CSNK1G1: variants seen among roughly 807,000 people sequenced by gnomAD.
CSNK1G1 encodes the protein casein kinase 1 gamma 1, also known as casein kinase I isoform gamma-1.
Under a neutral mutation model 59.6 loss-of-function variants are expected in CSNK1G1, and 22 were observed. The observed-to-expected ratio is 0.37, with a 90% CI of 0.26 to 0.53. The LOEUF (loss-of-function observed/expected upper bound fraction) is 0.53, where lower values mean the gene tolerates loss of function less well. CSNK1G1 is among the 20% of genes least tolerant of loss of function. CSNK1G1 has a pLI of 0.89. For missense variants in CSNK1G1, 384 were observed against 519.5 expected (o/e 0.74, Z 2.54); for synonymous variants, 179 against 177.1 (o/e 1.01, Z -0.08).
intron 4 of CSNK1G1, among the ~76,000 whole-genome samples, chr15:64,241,545 C>G (rs1413917546): frequency 6.6e-6 from 1 of 152,062 alleles, no homozygotes; most frequent in African/African-American, 2.4e-5. Flanking sequence ...CCAGGACAGG[C>G]CATGTGTTAG....
In CSNK1G1 at chr15:64,313,421, T is replaced by TA. The variant is rs527242277; in HGVS notation, c.-224-12699dup. 1.1e-3 allele frequency among the ~76,000 whole-genome samples: 160 copies of TA among 152,154 alleles called. 1 individual carries two copies. The highest frequency in any genetic ancestry group is 3.7e-3 in the African/African-American group (154 of 41,510). On this transcript the variant is annotated intron_variant, in intron 1 of 11. Transcript: ENST00000303052. ...TACACCATGGAATACTATGCAGCCA[T>TA]AAAAAAAGATGGGTTCATGTCCTTT...
At chr15:64,212,240 G>T (rs1302118374) in intron 6 of CSNK1G1, among the ~76,000 whole-genome samples, 2 of 152,146 alleles carry the variant, frequency 1.3e-5, no homozygotes, top group Non-Finnish European at 2.9e-5. Context: ...CTTAAGTGAG[G>T]ATTTCCATGT....
chr15:64,173,473 C>A (rs1567354397), intron 11 of CSNK1G1, among the ~76,000 whole-genome samples: 1 of 152,118 alleles, frequency 6.6e-6, no homozygotes, highest in African/African-American at 2.4e-5. Flanking sequence ...AATCACTAAG[C>A]AAAGTGTCAT....
At chr15:64,328,952 T>C (rs1009208659) in intron 1 of CSNK1G1, among the ~76,000 whole-genome samples, 3 of 143,424 alleles carry the variant, frequency 2.1e-5, no homozygotes, top group Non-Finnish European at 4.5e-5. Context: ...GGTAAAGGGA[T>C]GAATTCAACA....
intron 6 of CSNK1G1, among the ~76,000 whole-genome samples, chr15:64,211,003 G>A (rs1215285961): frequency 6.6e-6 from 1 of 152,166 alleles, no homozygotes; most frequent in Non-Finnish European, 1.5e-5. Flanking sequence ...GAAGCAGCAT[G>A]AGGCCCCTGA....
intron 2 of CSNK1G1, among the ~76,000 whole-genome samples, chr15:64,260,596 G>A (rs1477248574): frequency 6.6e-6 from 1 of 151,998 alleles, no homozygotes; most frequent in Non-Finnish European, 1.5e-5. Flanking sequence ...AAATTAGCCG[G>A]GGGTGGTGGT....
chr15:64,312,442 A>C (rs1023776377), intron 1 of CSNK1G1, among the ~76,000 whole-genome samples: 3 of 152,246 alleles, frequency 2.0e-5, no homozygotes, highest in Admixed American at 2.0e-4. Flanking sequence ...GGCCTCAGAA[A>C]TAACACCACA....
intron 2 of CSNK1G1, among the ~76,000 whole-genome samples, chr15:64,271,235 G>C (rs1893287083): frequency 6.6e-6 from 1 of 151,704 alleles, no homozygotes; most frequent in Admixed American, 6.6e-5. Flanking sequence ...TGATCCGCCT[G>C]TCTCAGCCTG....
chr15:64,261,220 C>A (rs1892669939), intron 2 of CSNK1G1, among the ~76,000 whole-genome samples: 1 of 152,228 alleles, frequency 6.6e-6, no homozygotes, highest in African/African-American at 2.4e-5. Flanking sequence ...TGGCCCAGGA[C>A]TTCTTGCACA....
At chr15:64,185,880 G>A (rs72756918) in intron 10 of CSNK1G1, among the ~76,000 whole-genome samples, 24,393 of 141,214 alleles carry the variant, frequency 0.17, 2,823 homozygotes, top group African/African-American at 0.33. Flanking sequence ...AAAAAAAAAA[G>A]AGAGAAAAAG....
chr15:64,305,511 G>A (rs566902140), intron 1 of CSNK1G1, among the ~76,000 whole-genome samples: 3 of 152,004 alleles, frequency 2.0e-5, no homozygotes, highest in East Asian at 1.9e-4. Flanking sequence ...GAGCCCAGGA[G>A]TTCAAGAACA....
chr15:64,340,180 T>C (rs1043314786), intron 1 of CSNK1G1, among the ~76,000 whole-genome samples: 1 of 151,850 alleles, frequency 6.6e-6, no homozygotes, highest in African/African-American at 2.4e-5. Flanking sequence ...AGGGCTACTT[T>C]GAAGGTTGTT....
intron 2 of CSNK1G1, among the ~76,000 whole-genome samples, chr15:64,282,361 G>C (rs1395726643): frequency 6.6e-6 from 1 of 151,886 alleles, no homozygotes; most frequent in Non-Finnish European, 1.5e-5. Context: ...CAGCCTCCCG[G>C]GTTCAAGCAA....
chr15:64,242,508 C>T (rs1300200500), intron 4 of CSNK1G1, among the ~76,000 whole-genome samples: 1 of 152,188 alleles, frequency 6.6e-6, no homozygotes, highest in Non-Finnish European at 1.5e-5. Context: ...AGAAGCCAAG[C>T]AGATGCCTGG....
At chr15:64,332,942 T>C (rs2140460685) in intron 1 of CSNK1G1, among the ~76,000 whole-genome samples, 1 of 152,222 alleles carries the variant, frequency 6.6e-6, no homozygotes, top group East Asian at 1.9e-4. Flanking sequence ...GAAAACTGAT[T>C]TGAGGGAATA....
intron 4 of CSNK1G1, among the ~76,000 whole-genome samples, chr15:64,238,518 A>AAAAAAAAAATATATATATATAT (rs1555396879): frequency 4.1e-5 from 2 of 49,240 alleles, no homozygotes; most frequent in African/African-American, 2.3e-4. Context: ...AAAAAAAAAA[A>AAAAAAAAAATATATATATATAT]ATATATATAT....
At chr15:64,310,333 T>C (rs774141139) in intron 1 of CSNK1G1, among the ~76,000 whole-genome samples, 2 of 152,074 alleles carry the variant, frequency 1.3e-5, no homozygotes, top group Non-Finnish European at 2.9e-5. Flanking sequence ...CTCCACTTGA[T>C]TCACCTTTTC....
chr15:64,328,913 A>C lies in CSNK1G1; in HGVS notation c.-225+27075T>G, dbSNP rs1224023188. Reference sequence around the variant, plus strand: ...AACAGACTTTAAACCAACAAAGATCAAAAGAGACAAAGAAGGCCATTACAT... The same window carrying C: ...AACAGACTTTAAACCAACAAAGATCCAAAGAGACAAAGAAGGCCATTACAT... On this transcript the variant is annotated intron_variant, in intron 1 of 11. Coordinates refer to ENST00000303052, the MANE Select transcript of CSNK1G1 (RefSeq NM_022048.5). 3.1e-4 allele frequency among the ~76,000 whole-genome samples: 41 copies of C among 133,222 alleles called. 2 individuals carry two copies. The South Asian group carries it at 0.011, about 36-fold the overall frequency. 87.4% of individuals were successfully genotyped at this position (133,222 alleles called of 152,430 possible). A position where few individuals can be genotyped will look rare whatever the true frequency, so the allele number is the denominator to read the frequency against.
intron 4 of CSNK1G1, among the ~76,000 whole-genome samples, chr15:64,221,287 T>A (rs1215980844): frequency 6.6e-6 from 1 of 152,218 alleles, no homozygotes; most frequent in Non-Finnish European, 1.5e-5. Flanking sequence ...TCAGTTTAAA[T>A]GAGACAACTG....
Sources: gnomAD v4.1 joint callset for allele counts (sites outside exome capture counted in the v4.1 genomes callset) on GRCh38, gnomAD v4.1.1 for gene constraint, MANE v1.5 for transcripts, NCBI Gene and HGNC (gene_info 2026-07-23, HGNC 2026-07-21) for gene names.